The following CCNY variants were observed in gnomAD, a reference collection of about 807,000 sequenced individuals.
CCNY encodes cyclin Y.
A neutral mutation model predicts 42.8 loss-of-function variants in CCNY; 19 were observed. The ratio of observed to expected loss-of-function variants is 0.44; its 90% CI spans 0.31 to 0.65. CCNY has a LOEUF of 0.65. Ranked by LOEUF, CCNY falls within the 30% of genes least tolerant of loss-of-function variation. CCNY has a pLI of 0.07. For missense variants in CCNY, 370 were observed against 437.3 expected, an observed-to-expected ratio of 0.85 and a Z score of 1.37; for synonymous variants, 165 against 162.7, an observed-to-expected ratio of 1.01 and a Z score of -0.11.
Position 35,549,137 on chromosome 10 carries a change from CT to C in CCNY, c.580-3881del, listed in dbSNP as rs984637211. ...CGCCCCTCATCATGCCAAACCCCTTCTCTCGAAGAGGCAGAGAAGAGTCTGA... is the reference window on the plus strand; with the variant it reads ...CGCCCCTCATCATGCCAAACCCCTTCCTCGAAGAGGCAGAGAAGAGTCTGA... On this transcript the variant is annotated intron_variant, in intron 7 of 9. Coordinates refer to ENST00000374704, the MANE Select transcript of CCNY (RefSeq NM_145012.6). Among the ~76,000 whole-genome samples the C allele has an allele frequency of 1.5e-3, 209 of 137,892 alleles. 1 individual carries two copies. The highest frequency in any genetic ancestry group is 2.6e-3 in the Non-Finnish European group (172 of 65,436). 90.5% of individuals were successfully genotyped at this position (137,892 alleles called of 152,430 possible). A position where few individuals can be genotyped will look rare whatever the true frequency, so the allele number is the denominator to read the frequency against.
rs1282397777 is a variant in CCNY, at chr10:35,488,440, C to A, written c.229+4962C>A. On this transcript the variant is annotated intron_variant, in intron 2 of 9. Coordinates refer to ENST00000374704, the MANE Select transcript of CCNY (RefSeq NM_145012.6). ...CCGAGCGCTGCCATGGCCTTGCTGTCCTCACCTCACTTGCATTCCCAGCTG... is the reference window on the plus strand; with the variant it reads ...CCGAGCGCTGCCATGGCCTTGCTGTACTCACCTCACTTGCATTCCCAGCTG... Among the ~76,000 whole-genome samples the A allele has an allele frequency of 5.9e-5, 9 of 152,242 alleles. No individual in the cohort carries two copies. The East Asian group carries it at 1.2e-3, about 20-fold the overall frequency.
intron 1 of CCNY, among the ~76,000 whole-genome samples, chr10:35,416,193 G>T (rs186331147): frequency 3.3e-5 from 5 of 151,708 alleles, no homozygotes; most frequent in Non-Finnish European, 7.4e-5. Context: ...GTGTGTGTGT[G>T]TCCTTGTAGG....
chr10:35,472,398 T>TC (rs1397659497), intron 1 of CCNY, among the ~76,000 whole-genome samples: 3 of 152,262 alleles, frequency 2.0e-5, no homozygotes, highest in Non-Finnish European at 4.4e-5. Context: ...AGTCTTATTT[T>TC]CAGCTTTCTG....
intron 1 of CCNY, among the ~76,000 whole-genome samples, chr10:35,388,568 C>A (rs1837344467): frequency 6.6e-6 from 1 of 152,170 alleles, no homozygotes; most frequent in African/African-American, 2.4e-5. Context: ...TTGGGTGTGG[C>A]TGATGGAATG....
chr10:35,343,382 CTTTTTTTTTTTTTT>C (rs9299720), intron 1 of CCNY, among the ~76,000 whole-genome samples: 6 of 85,916 alleles, frequency 7.0e-5, no homozygotes, highest in African/African-American at 1.0e-4. Context: ...AGCTGATGGT[CTTTTTTTTTTTTTT>C]TTTTTTTTTT....
chr10:35,408,202 A>T (rs1273739250), intron 1 of CCNY, among the ~76,000 whole-genome samples: 1 of 150,322 alleles, frequency 6.7e-6, no homozygotes, highest in East Asian at 2.0e-4. Flanking sequence ...TGAGGACCTG[A>T]GGTCATAGGT....
chr10:35,450,248 G>A (rs888233500), intron 1 of CCNY, among the ~76,000 whole-genome samples: 2 of 152,038 alleles, frequency 1.3e-5, no homozygotes, highest in African/African-American at 4.8e-5. Context: ...GGTAGGAGAT[G>A]AGGCTCAGAA....
intron 7 of CCNY, among the ~76,000 whole-genome samples, chr10:35,539,346 C>CA (rs1157187823): frequency 1.3e-5 from 2 of 152,154 alleles, no homozygotes; most frequent in Non-Finnish European, 2.9e-5. Context: ...CTATGTAGAT[C>CA]AGTTTGGGAA....
At chr10:35,272,432 CTCT>C (rs1442320995) in intron 3 of CCNY, among the ~76,000 whole-genome samples, 5 of 152,236 alleles carry the variant, frequency 3.3e-5, no homozygotes, top group South Asian at 2.1e-4. Context: ...TTTCCTGATC[CTCT>C]TCTTCTTCCC....
At chr10:35,453,627 G>C (rs1311499260) in intron 1 of CCNY, among the ~76,000 whole-genome samples, 2 of 152,224 alleles carry the variant, frequency 1.3e-5, no homozygotes, top group East Asian at 1.9e-4. Context: ...GGATATCTAA[G>C]TTGGGCAGCA....
At chr10:35,410,409 A>C (rs1837878253) in intron 1 of CCNY, among the ~76,000 whole-genome samples, 2 of 152,234 alleles carry the variant, frequency 1.3e-5, no homozygotes, top group Admixed American at 1.3e-4. Flanking sequence ...TTTAAAAATT[A>C]TGATGAACCA....
At chr10:35,277,922 G>A (rs556931542) in intron 3 of CCNY, among the ~76,000 whole-genome samples, 7 of 152,208 alleles carry the variant, frequency 4.6e-5, no homozygotes, top group Admixed American at 6.5e-5. Flanking sequence ...AAAAGGCCAC[G>A]CAATGAGTTC....
At chr10:35,534,170 C>A (rs556911888) in intron 7 of CCNY, among the ~76,000 whole-genome samples, 1 of 152,068 alleles carries the variant, frequency 6.6e-6, no homozygotes, top group Non-Finnish European at 1.5e-5. Flanking sequence ...TACAGGCTTG[C>A]GCCACCATGC....
chr10:35,362,575 C>G (rs16935987), intron 1 of CCNY, among the ~76,000 whole-genome samples: 43,791 of 149,096 alleles, frequency 0.29, 6,603 homozygotes, highest in Admixed American at 0.35. Context: ...CTAGAGGGTA[C>G]CAGTTTTTTT....
chr10:35,452,358 A>G (rs1441204963), intron 1 of CCNY, among the ~76,000 whole-genome samples: 1 of 152,230 alleles, frequency 6.6e-6, no homozygotes, highest in East Asian at 1.9e-4. Flanking sequence ...GAAATGAGAA[A>G]TGAAATACAA....
At chr10:35,441,850 C>A (rs1161847951) in intron 1 of CCNY, among the ~76,000 whole-genome samples, 2 of 150,994 alleles carry the variant, frequency 1.3e-5, no homozygotes, top group Non-Finnish European at 3.0e-5. Context: ...AAGTTCATTT[C>A]ATTAAATGAA....
intron 1 of CCNY, among the ~76,000 whole-genome samples, chr10:35,403,639 C>A (rs1322980705): frequency 6.6e-6 from 1 of 152,132 alleles, no homozygotes; most frequent in Non-Finnish European, 1.5e-5. Flanking sequence ...AGTGAGGAAA[C>A]CTCTTTCAGC....
At chr10:35,421,615 T>G (rs531919570) in intron 1 of CCNY, among the ~76,000 whole-genome samples, 2 of 152,310 alleles carry the variant, frequency 1.3e-5, no homozygotes, top group South Asian at 4.1e-4. Context: ...CTCTCTGGCT[T>G]TTGTCCGTGT....
At chr10:35,330,102 CTAAGAT>C in intron 3 of CCNY, among the ~76,000 whole-genome samples, 1 of 152,268 alleles carries the variant, frequency 6.6e-6, no homozygotes, top group Non-Finnish European at 1.5e-5. Flanking sequence ...AGCCAGTTAA[CTAAGAT>C]TAAGGTATGT....
Sources: gnomAD v4.1 joint callset for allele counts (sites outside exome capture counted in the v4.1 genomes callset) on GRCh38, gnomAD v4.1.1 for gene constraint, MANE v1.5 for transcripts, NCBI Gene and HGNC (gene_info 2026-07-23, HGNC 2026-07-21) for gene names.